Variants in PPP3CA observed in about 807,000 individuals in gnomAD.
The protein encoded by PPP3CA is protein phosphatase 3 catalytic subunit alpha.
Under a neutral mutation model 66.5 loss-of-function variants are expected in PPP3CA, and 14 were observed. The observed-to-expected ratio is 0.21, with a 90% confidence interval of 0.14 to 0.33. PPP3CA has a LOEUF of 0.33. Ranked by LOEUF, PPP3CA falls within the 10% of genes least tolerant of loss-of-function variation. The pLI, the probability that PPP3CA is intolerant of heterozygous loss-of-function variation, is 1.00. For missense variants in PPP3CA, 317 were observed against 639.5 expected, an observed-to-expected ratio of 0.50 and a Z score of 5.44; for synonymous variants, 232 against 226.2, an observed-to-expected ratio of 1.03 and a Z score of -0.23.
intron 1 of PPP3CA, among the ~76,000 whole-genome samples, chr4:101,267,005 C>CT (rs1469833123): frequency 6.6e-6 from 1 of 152,218 alleles, no homozygotes; most frequent in East Asian, 1.9e-4. Flanking sequence ...GCCTAGCTGT[C>CT]TTTTTCAGAC....
At chr4:101,053,782 CTCTG>C (rs1468536742) in intron 10 of PPP3CA, among the ~76,000 whole-genome samples, 1 of 152,028 alleles carries the variant, frequency 6.6e-6, no homozygotes, top group Admixed American at 6.6e-5. Flanking sequence ...TCCTTTGCCC[CTCTG>C]TCTAAGACCT....
At position 101,124,799 on chromosome 4, in the gene PPP3CA, G is replaced by GAAAGAAAGAA. The variant is rs1399400422; in HGVS notation, c.260-15722_260-15721insTTCTTTCTTT. 5.9e-3 allele frequency among the ~76,000 whole-genome samples: 587 copies of GAAAGAAAGAA among 100,040 alleles called. 44 individuals are homozygous for GAAAGAAAGAA. The highest frequency in any genetic ancestry group is 0.016 in the East Asian group (55 of 3,500). 65.6% of individuals were successfully genotyped at this position (100,040 alleles called of 152,430 possible). ...AGAAAGAAAGAAAGAAAGAAAGAAA[G>GAAAGAAAGAA]AGAAAACTGTATTGGTGTTGAGGAG... On this transcript the variant is annotated intron_variant, in intron 2 of 13. Transcript: ENST00000394854.
chr4:101,266,498 T>C (rs144367559), intron 1 of PPP3CA, among the ~76,000 whole-genome samples: 23 of 152,334 alleles, frequency 1.5e-4, no homozygotes, highest in African/African-American at 5.3e-4. Flanking sequence ...TGATTAATCT[T>C]TCTCATTTAA....
intron 10 of PPP3CA, among the ~76,000 whole-genome samples, chr4:101,054,133 T>C: frequency 6.6e-6 from 1 of 152,102 alleles, no homozygotes; most frequent in African/African-American, 2.4e-5. Flanking sequence ...TTTTTTCTAT[T>C]TTTTATATTA....
intron 1 of PPP3CA, among the ~76,000 whole-genome samples, chr4:101,267,705 A>G (rs923435941): frequency 1.3e-5 from 2 of 152,138 alleles, no homozygotes; most frequent in Admixed American, 1.3e-4. Flanking sequence ...GGAAAATGCA[A>G]TTTATACTAG....
chr4:101,166,663 A>C (rs189804982), intron 2 of PPP3CA, among the ~76,000 whole-genome samples: 15 of 152,314 alleles, frequency 9.8e-5, no homozygotes, highest in Non-Finnish European at 1.5e-5. Context: ...TTGGATTTTC[A>C]TATGGTTATT....
intron 1 of PPP3CA, among the ~76,000 whole-genome samples, chr4:101,302,500 T>C (rs1213285949): frequency 2.0e-5 from 3 of 152,194 alleles, no homozygotes; most frequent in Non-Finnish European, 2.9e-5. Flanking sequence ...TAACAGAACA[T>C]GACATGACAT....
At chr4:101,158,220 A>G (rs1433536799) in intron 2 of PPP3CA, 1 of 152,244 alleles carries the variant, frequency 6.6e-6, no homozygotes, top group Non-Finnish European at 1.5e-5. Context: ...AAGAGTCATC[A>G]TCTCAGAGTC....
At chr4:101,095,797 G>A (rs1382998923) in intron 5 of PPP3CA, among the ~76,000 whole-genome samples, 5 of 152,002 alleles carry the variant, frequency 3.3e-5, no homozygotes, top group African/African-American at 9.7e-5. Flanking sequence ...GATTACAGGC[G>A]CGCGCCACCA....
At chr4:101,320,459 T>C (rs1346885778) in intron 1 of PPP3CA, among the ~76,000 whole-genome samples, 3 of 135,824 alleles carry the variant, frequency 2.2e-5, no homozygotes, top group African/African-American at 3.2e-5. Flanking sequence ...CTCATATGTA[T>C]GTATGTATGT....
chr4:101,217,154 T>A (rs746617933), intron 1 of PPP3CA, among the ~76,000 whole-genome samples: 3 of 152,146 alleles, frequency 2.0e-5, no homozygotes, highest in Non-Finnish European at 2.9e-5. Flanking sequence ...GTCTGTGGAT[T>A]TCATTTATCC....
At chr4:101,229,535 C>T (rs575711470) in intron 1 of PPP3CA, among the ~76,000 whole-genome samples, 105 of 151,746 alleles carry the variant, frequency 6.9e-4, no homozygotes, top group African/African-American at 2.5e-3. Context: ...ACTGTATTTG[C>T]TTCCTATTTT....
intron 10 of PPP3CA, among the ~76,000 whole-genome samples, chr4:101,049,846 GCAT>G (rs1046381756): frequency 6.6e-6 from 1 of 152,068 alleles, no homozygotes; most frequent in Admixed American, 6.6e-5. Context: ...CCACTTGACA[GCAT>G]AATAAAAAGC....
At chr4:101,318,310 A>T (rs533180612) in intron 1 of PPP3CA, among the ~76,000 whole-genome samples, 1 of 152,332 alleles carries the variant, frequency 6.6e-6, no homozygotes, top group East Asian at 1.9e-4. Context: ...CATACTTAAA[A>T]GGAACTTCAG....
chr4:101,164,843 T>C (rs745916749), intron 2 of PPP3CA, among the ~76,000 whole-genome samples: 1 of 152,144 alleles, frequency 6.6e-6, no homozygotes, highest in African/African-American at 2.4e-5. Context: ...ATTAGGTTCA[T>C]ATACCTAATC....
intron 2 of PPP3CA, among the ~76,000 whole-genome samples, chr4:101,173,503 TC>T (rs1297835364): frequency 2.6e-5 from 4 of 152,236 alleles, no homozygotes; most frequent in African/African-American, 9.6e-5. Flanking sequence ...TGTAACAGTA[TC>T]ATATTTACAC....
chr4:101,317,253 A>AAC (rs3840161), intron 1 of PPP3CA, among the ~76,000 whole-genome samples: 10,408 of 145,304 alleles, frequency 0.072, 523 homozygotes, highest in East Asian at 0.23. Context: ...CGGTACTCCC[A>AAC]ACACACACAC....
chr4:101,280,523 T>A (rs1727644871), intron 1 of PPP3CA, among the ~76,000 whole-genome samples: 1 of 151,954 alleles, frequency 6.6e-6, no homozygotes, highest in South Asian at 2.1e-4. Context: ...AAACTGTAGA[T>A]AAAAACTGGA....
At chr4:101,212,086 A>G (rs1354398815) in intron 1 of PPP3CA, among the ~76,000 whole-genome samples, 1 of 151,920 alleles carries the variant, frequency 6.6e-6, no homozygotes, top group Non-Finnish European at 1.5e-5. Flanking sequence ...TAACTTATAT[A>G]TTCTTAATTA....
Sources: allele counts gnomAD v4.1 joint callset (sites outside exome capture counted in the v4.1 genomes callset), GRCh38; gene constraint gnomAD v4.1.1; transcripts MANE v1.5; gene names NCBI Gene and HGNC (gene_info 2026-07-23, HGNC 2026-07-21).